Variants in ATG14 observed in about 807,000 individuals in gnomAD.
The protein encoded by ATG14 is beclin 1-associated autophagy-related key regulator.
In ATG14, 35 loss-of-function variants were observed where a neutral mutation model predicts 60.4. That is an observed-to-expected ratio of 0.58 (90% confidence interval 0.44 to 0.77). ATG14 has a LOEUF of 0.77. Among genes scored for constraint, ATG14 ranks in the 30% least tolerant of loss-of-function variants. ATG14 has a pLI of 0.00. For missense variants in ATG14, 647 were observed against 626.3 expected, an observed-to-expected ratio of 1.03 and a Z score of -0.35; for synonymous variants, 234 against 228.8, an observed-to-expected ratio of 1.02 and a Z score of -0.21.
intron 9 of ATG14, among the ~76,000 whole-genome samples, chr14:55,375,531 A>G (rs1884903578): frequency 7.2e-6 from 1 of 139,534 alleles, no homozygotes; most frequent in African/African-American, 2.7e-5. Context: ...TTTTGTAGAC[A>G]TGGAGTCTCA....
chr14:55,387,376 GCTAT>G (rs1272802507), intron 4 of ATG14, among the ~76,000 whole-genome samples: 2 of 152,116 alleles, frequency 1.3e-5, no homozygotes, highest in African/African-American at 4.8e-5. Flanking sequence ...TAACACTCAG[GCTAT>G]CTATTTGCTC....
chr14:55,399,082 G>A (rs1885359900), intron 1 of ATG14, among the ~76,000 whole-genome samples: 1 of 152,088 alleles, frequency 6.6e-6, no homozygotes, highest in South Asian at 2.1e-4. Context: ...TACTATTTCT[G>A]TAATCCCATG....
chr14:55,391,087 G>GAA, intron 3 of ATG14, 95 bp from the exon 4 acceptor site: 1 of 795,022 alleles, frequency 1.3e-6, no homozygotes, highest in Non-Finnish European at 2.0e-6. Context: ...AGATATGTCA[G>GAA]AAAACATAAT....
intron 2 of ATG14, among the ~76,000 whole-genome samples, chr14:55,396,561 T>C (rs1039005365): frequency 6.6e-6 from 1 of 152,180 alleles, no homozygotes; most frequent in Non-Finnish European, 1.5e-5. Context: ...GCCTGAGCAT[T>C]AACTGTTTTC....
In ATG14 at chr14:55,382,134, G is replaced by T; in HGVS notation, c.705C>A (p.Ser235Arg). Residue 235 changes from serine (S) to arginine (R), a missense_variant, in exon 6 of 10, where the codon AGC becomes AGA. Ser to Arg is a moderately radical substitution (Grantham distance 110, BLOSUM62 -1). Coordinates refer to ENST00000247178, the MANE Select transcript of ATG14 (RefSeq NM_014924.5). ...SDSAMTSSTV[S>R]KLAEARRTTY... Reference sequence around the variant, plus strand: ...TTGTCCTCCGGGCTTCAGCAAGCTTGCTCACAGTGCTGGAGGTCATGGCAC... The same window carrying T: ...TTGTCCTCCGGGCTTCAGCAAGCTTTCTCACAGTGCTGGAGGTCATGGCAC... 3 of 1,614,130 alleles carry T rather than the reference G, an allele frequency of 1.9e-6. No individual in the cohort carries two copies. The highest frequency in any genetic ancestry group is 2.5e-6 in the Non-Finnish European group (3 of 1,180,022).
intron 9 of ATG14, among the ~76,000 whole-genome samples, chr14:55,376,798 A>C (rs1220992568): frequency 6.6e-6 from 1 of 152,212 alleles, no homozygotes; most frequent in African/African-American, 2.4e-5. Flanking sequence ...CTCTGCAGAA[A>C]TGTATGGACA....
intron 1 of ATG14, among the ~76,000 whole-genome samples, chr14:55,411,311 ACTT>A (rs1476792395): frequency 6.6e-6 from 1 of 152,224 alleles, no homozygotes; most frequent in Non-Finnish European, 1.5e-5. Flanking sequence ...CAACGGGAAA[ACTT>A]CTCCAGAGAG....
rs920106125 is a variant in ATG14 at position 55,393,396 on chromosome 14, G to GA, written c.328-2405dup. The stretch of plus-strand genomic sequence containing the variant: ...CGAGACTCTGTCTCAAAAAAAAGAG[G>GA]AAAAAAAAAGAAATATATGAATAAT... On this transcript the variant is annotated intron_variant, in intron 3 of 9. Coordinates refer to ENST00000247178, the MANE Select transcript of ATG14 (RefSeq NM_014924.5). 1.2e-4 allele frequency among the ~76,000 whole-genome samples: 18 copies of GA among 146,426 alleles called. No individual in the cohort carries two copies. In the South Asian group the frequency reaches 1.7e-3, roughly 14 times the overall value.
rs71705938 is a variant in ATG14, at chr14:55,373,804, C to CA, written c.1173-3880dup. 4.4e-3 allele frequency among the ~76,000 whole-genome samples: 596 copies of CA among 135,252 alleles called. 2 individuals are homozygous for CA. Among genetic ancestry groups the CA allele is most frequent in the South Asian group, 7.2e-3 (30 of 4,168 alleles). The allele number at this position is 135,252 out of a possible 152,430, so 88.7% of individuals were successfully genotyped here. A position where few individuals can be genotyped will look rare whatever the true frequency, so the allele number is the denominator to read the frequency against. ...TTTTTCTGTAAGTTTAAATTTGTTT[C>CA]AAAAAAAAAAAAAAAAGTTTATCTT... On this transcript the variant is annotated intron_variant, in intron 9 of 9. Coordinates refer to ENST00000247178, the MANE Select transcript of ATG14 (RefSeq NM_014924.5).
chr14:55,411,758 A>C lies in ATG14; in HGVS notation c.65T>G (p.Leu22Arg). The C allele has an allele frequency of 6.2e-7, 1 of 1,607,210 alleles. No homozygotes were observed. The highest frequency in any genetic ancestry group is 1.1e-5 in the South Asian group (1 of 90,112). The part of the protein sequence containing the change: ...LEAPGCGPRP[L>R]ARDLVDSVDD... ...CACGGAGTCCACCAGGTCCCGGGCG[A>C]GCGGCCGGGGCCCGCAGCCAGGAGC... The change falls in exon 1 of 10, where the codon CTC (leucine) becomes CGC (arginine). Residue 22 changes from leucine (L) to arginine (R), a missense_variant. Physicochemically the swap from Leu to Arg is moderately radical, Grantham distance 102. Transcript: ENST00000247178.
At chr14:55,389,450 T>C (rs919052164) in intron 4 of ATG14, among the ~76,000 whole-genome samples, 5 of 152,216 alleles carry the variant, frequency 3.3e-5, no homozygotes, top group Non-Finnish European at 7.3e-5. Flanking sequence ...AGTTTAGTAA[T>C]CCCGTGAAAC....
chr14:55,390,075 A>C (rs1321637837), intron 4 of ATG14, among the ~76,000 whole-genome samples: 1 of 152,106 alleles, frequency 6.6e-6, no homozygotes, highest in Non-Finnish European at 1.5e-5. Context: ...TACATTCCTT[A>C]ACTTTTTTTT....
chr14:55,380,273 C>A (rs537675032), intron 7 of ATG14, among the ~76,000 whole-genome samples: 11 of 151,838 alleles, frequency 7.2e-5, no homozygotes, highest in South Asian at 6.3e-4. Flanking sequence ...ACAACAACAA[C>A]AAATCAAAGA....
At chr14:55,398,934 A>G (rs1885357982) in intron 1 of ATG14, among the ~76,000 whole-genome samples, 1 of 152,206 alleles carries the variant, frequency 6.6e-6, no homozygotes, top group African/African-American at 2.4e-5. Flanking sequence ...TCAAGGGAAC[A>G]GGGATAATGA....
chr14:55,386,117 C>T lies in ATG14; in HGVS notation c.410-21G>A, dbSNP rs1185248111. On this transcript the variant is annotated intron_variant, in intron 4 of 9. Transcript: ENST00000247178. ...AGAATCTAAAATAAATAAATCACAC[C>T]CAACAATTATCTCTGCAAACAGTTC... 4.4e-6 allele frequency: 7 copies of T among 1,583,938 alleles called. No homozygotes were observed. The African/African-American group carries it at 5.4e-5, about 12-fold the overall frequency.
chr14:55,402,960 TATATATATAA>T lies in ATG14; in HGVS notation c.222-5536_222-5527del, dbSNP rs1253211819. ...ATATATATATATATATATATATATA[TATATATATAA>T]ATAGCTGGGCATAGTGGTGCATGGC... On this transcript the variant is annotated intron_variant, in intron 1 of 9. Transcript: ENST00000247178. 2.9e-3 allele frequency among the ~76,000 whole-genome samples: 173 copies of T among 59,568 alleles called. 5 individuals are homozygous for T. Among genetic ancestry groups the T allele is most frequent in the Non-Finnish European group, 4.8e-3 (148 of 30,924 alleles). The allele number at this position is 59,568 out of a possible 152,430, so 39.1% of individuals were successfully genotyped here.
chr14:55,398,083 GA>G (rs1363321563), intron 1 of ATG14, among the ~76,000 whole-genome samples: 1 of 151,886 alleles, frequency 6.6e-6, no homozygotes, highest in African/African-American at 2.4e-5. Context: ...AAGCAGCTGG[GA>G]CTACAGGCGC....
At chr14:55,395,590 A>G (rs1885300820) in intron 3 of ATG14, among the ~76,000 whole-genome samples, 1 of 152,254 alleles carries the variant, frequency 6.6e-6, no homozygotes, top group African/African-American at 2.4e-5. Context: ...CCCCACTCCA[A>G]GATTATGTAA....
chr14:55,393,164 G>C (rs900685323), intron 3 of ATG14, among the ~76,000 whole-genome samples: 1 of 152,092 alleles, frequency 6.6e-6, no homozygotes, highest in Non-Finnish European at 1.5e-5. Flanking sequence ...GGCGGATCAC[G>C]AGGTCAGGAG....
Sources: gnomAD v4.1 joint callset for allele counts (sites outside exome capture counted in the v4.1 genomes callset) on GRCh38, gnomAD v4.1.1 for gene constraint, MANE v1.5 for transcripts, NCBI Gene and HGNC (gene_info 2026-07-23, HGNC 2026-07-21) for gene names.